MECOM: variants seen among roughly 807,000 people sequenced by gnomAD.
MECOM encodes the protein MDS1 and EVI1 complex locus.
A neutral mutation model predicts 116.3 loss-of-function variants in MECOM; 13 were observed. That is an observed-to-expected ratio of 0.11 (90% CI 0.07 to 0.18). The LOEUF (loss-of-function observed/expected upper bound fraction) is 0.18. Ranked by LOEUF, MECOM falls within the 10% of genes least tolerant of loss-of-function variation. MECOM has a pLI of 1.00. For missense variants in MECOM, 1,299 were observed against 1,509.0 expected, an observed-to-expected ratio of 0.86 and a Z score of 2.31; for synonymous variants, 528 against 535.2, an observed-to-expected ratio of 0.99 and a Z score of 0.19.
At chr3:169,222,433 T>C (rs1752240902) in intron 2 of MECOM, among the ~76,000 whole-genome samples, 1 of 152,230 alleles carries the variant, frequency 6.6e-6, no homozygotes, top group Non-Finnish European at 1.5e-5. Flanking sequence ...TCACATGATT[T>C]TTTAATATCC....
At chr3:169,360,290 TAAAAAA>T (rs1203615730) in intron 2 of MECOM, among the ~76,000 whole-genome samples, 2,373 of 29,474 alleles carry the variant, frequency 0.081, 45 homozygotes, top group African/African-American at 0.2. Flanking sequence ...TAAAGTATAA[TAAAAAA>T]AAAAAAAAAA....
intron 2 of MECOM, among the ~76,000 whole-genome samples, chr3:169,292,215 C>G (rs568327430): frequency 6.3e-4 from 96 of 152,110 alleles, no homozygotes; most frequent in Non-Finnish European, 1.1e-3. Flanking sequence ...TGGTGGAGTG[C>G]ATCTGTAATC....
intron 2 of MECOM, among the ~76,000 whole-genome samples, chr3:169,170,928 T>C (rs1169890056): frequency 6.6e-6 from 1 of 152,222 alleles, no homozygotes; most frequent in Non-Finnish European, 1.5e-5. Flanking sequence ...CAGTGTTTCA[T>C]TTATACATTA....
chr3:169,437,285 T>C (rs764316240), intron 1 of MECOM, among the ~76,000 whole-genome samples: 36 of 152,330 alleles, frequency 2.4e-4, no homozygotes, highest in Non-Finnish European at 4.3e-4. Context: ...CCCAAATACT[T>C]TGAAATGCAA....
Position 169,388,752 on chromosome 3 carries a change from C to T in MECOM, c.38-7228G>A, listed in dbSNP as rs533520480. On this transcript the variant is annotated intron_variant, in intron 1 of 16. Transcript: ENST00000651503. ...TCTGTAGAACCCGTGTCTCTAGATA[C>T]GACCATTATGTTTGGAAATAATCTA... 7.2e-4 allele frequency among the ~76,000 whole-genome samples: 109 copies of T among 152,212 alleles called. 1 individual carries two copies. The Middle Eastern group carries it at 0.01, about 14-fold the overall frequency.
intron 2 of MECOM, among the ~76,000 whole-genome samples, chr3:169,267,548 G>A (rs778335885): frequency 1.3e-5 from 2 of 152,078 alleles, no homozygotes. Flanking sequence ...GAGGGGGTGG[G>A]CAGTAGGTAA....
rs146273053 is a variant in MECOM at position 169,133,859 on chromosome 3, G to C, written c.511-2328C>G. ...CTTATAAGTACACTGTTTCATTCTG[G>C]AGTTCTATTTCCCCTTAGAAAACAA... On this transcript the variant is annotated intron_variant, in intron 3 of 16. Transcript: ENST00000651503. 5,050 of 1,164,240 alleles carry C rather than the reference G, an allele frequency of 4.3e-3. 18 individuals are homozygous for C. Among genetic ancestry groups the C allele is most frequent in the Middle Eastern group, 0.029 (130 of 4,470 alleles). 72.1% of individuals were successfully genotyped at this position (1,164,240 alleles called of 1,614,324 possible). A position where few individuals can be genotyped will look rare whatever the true frequency, so the allele number is the denominator to read the frequency against.
At chr3:169,435,899 AC>A (rs1431053097) in intron 1 of MECOM, among the ~76,000 whole-genome samples, 1 of 152,188 alleles carries the variant, frequency 6.6e-6, no homozygotes, top group African/African-American at 2.4e-5. Context: ...CCAATAATGG[AC>A]CAAAACGGTA....
At chr3:169,227,157 C>T (rs1262226850) in intron 2 of MECOM, among the ~76,000 whole-genome samples, 1 of 152,004 alleles carries the variant, frequency 6.6e-6, no homozygotes, top group African/African-American at 2.4e-5. Context: ...AGATTGTACA[C>T]AGTACTAATA....
intron 1 of MECOM, among the ~76,000 whole-genome samples, chr3:169,548,576 T>G (rs74407146): frequency 0.021 from 3,149 of 152,304 alleles, 99 homozygotes; most frequent in African/African-American, 0.072. Context: ...TCTTCCTTGT[T>G]TTTTCCTTTA....
At chr3:169,448,281 G>T (rs1744986395) in intron 1 of MECOM, among the ~76,000 whole-genome samples, 3 of 152,146 alleles carry the variant, frequency 2.0e-5, no homozygotes, top group Admixed American at 2.0e-4. Context: ...GGAATGCTTA[G>T]GTGCCTGACC....
intron 1 of MECOM, among the ~76,000 whole-genome samples, chr3:169,543,335 G>A (rs1760329319): frequency 1.3e-5 from 2 of 152,238 alleles, no homozygotes; most frequent in African/African-American, 4.8e-5. Flanking sequence ...AGCACTTTGG[G>A]AGGCCGAGGC....
At chr3:169,234,779 GCTT>G (rs1560026370) in intron 2 of MECOM, among the ~76,000 whole-genome samples, 1 of 152,052 alleles carries the variant, frequency 6.6e-6, no homozygotes, top group East Asian at 1.9e-4. Context: ...GCCACTAATT[GCTT>G]CTTTTTTTGA....
At chr3:169,594,774 T>A (rs959000334) in intron 1 of MECOM, among the ~76,000 whole-genome samples, 1 of 151,206 alleles carries the variant, frequency 6.6e-6, no homozygotes, top group African/African-American at 2.4e-5. Flanking sequence ...TGAATATCAA[T>A]TGATAAGCTT....
intron 12 of MECOM, among the ~76,000 whole-genome samples, chr3:169,097,871 C>G (rs1722222893): frequency 7.4e-6 from 1 of 134,680 alleles, no homozygotes; most frequent in African/African-American, 2.7e-5. Flanking sequence ...AGCTTGTGGT[C>G]TACTGGTATT....
At chr3:169,562,111 A>C (rs12630862) in intron 1 of MECOM, among the ~76,000 whole-genome samples, 28,859 of 132,510 alleles carry the variant, frequency 0.22, 4,040 homozygotes, top group East Asian at 0.71. Flanking sequence ...GCTCCACTGC[A>C]CTCCAGCCTG....
chr3:169,131,381 T>A, intron 4 of MECOM, 48 bp downstream of exon 4: 1 of 1,453,986 alleles, frequency 6.9e-7, no homozygotes, highest in Non-Finnish European at 9.7e-7. Context: ...TGCTACTTTA[T>A]AGTCGCGATG....
intron 2 of MECOM, among the ~76,000 whole-genome samples, chr3:169,236,174 A>G (rs148299781): frequency 4.5e-4 from 69 of 152,276 alleles, no homozygotes; most frequent in Middle Eastern, 3.4e-3. Context: ...AGGCTAAGCT[A>G]GGATATTCAG....
At chr3:169,616,537 G>A (rs1245047584) in intron 1 of MECOM, among the ~76,000 whole-genome samples, 1 of 152,130 alleles carries the variant, frequency 6.6e-6, no homozygotes, top group Non-Finnish European at 1.5e-5. Context: ...TAGTAGAGAT[G>A]CCATGTTGGC....
Sources: gnomAD v4.1 joint callset for allele counts (sites outside exome capture counted in the v4.1 genomes callset) on GRCh38, gnomAD v4.1.1 for gene constraint, MANE v1.5 for transcripts, NCBI Gene and HGNC (gene_info 2026-07-23, HGNC 2026-07-21) for gene names.